Variants in KANK4 observed in about 807,000 individuals in gnomAD.
The protein encoded by KANK4 is KN motif and ankyrin repeat domain-containing protein 4.
KANK4 carries 50 observed loss-of-function variants against 80.8 expected under a neutral mutation model. The ratio of observed to expected loss-of-function variants is 0.62; its 90% CI spans 0.49 to 0.78. KANK4 has a LOEUF of 0.78. Among genes scored for constraint, KANK4 ranks in the 30% least tolerant of loss-of-function variants. The pLI is 0.00. For missense variants in KANK4, 1,196 were observed against 1,240.1 expected (o/e 0.96, Z 0.53); for synonymous variants, 465 against 506.9 (o/e 0.92, Z 1.11).
chr1:62,286,762 C>T (rs1404317335), intron 1 of KANK4, among the ~76,000 whole-genome samples: 1 of 152,156 alleles, frequency 6.6e-6, no homozygotes. Context: ...CCTACCCCCT[C>T]CTGGGGCCCC....
At position 62,273,301 on chromosome 1, in the gene KANK4, G is replaced by C; in HGVS notation, c.1803C>G (p.Ser601Arg). 6.2e-7 allele frequency: 1 copy of C among 1,600,770 alleles called. No individual in the cohort carries two copies. Among genetic ancestry groups the C allele is most frequent in the Non-Finnish European group, 8.5e-7 (1 of 1,170,474 alleles). Residue 601 changes from serine (S) to arginine (R), a missense_variant, in exon 3 of 10, where the codon AGC (serine) becomes AGG (arginine). Ser to Arg is a moderately radical substitution (Grantham distance 110). This residue lies in a region of KANK4 where 1,154 missense variants were observed against 1,179.6 expected (regional missense o/e 0.98). Coordinates refer to ENST00000371153, the MANE Select transcript of KANK4 (RefSeq NM_181712.5). ...GCAGGTTGAGGGAGCTCAGCAGCTG[G>C]CTCTGGATGCTGCTGAGCTTGGAGG... Reference protein sequence around the residue: ...QPASKLSSIQSQLLSSLNLLL... With the variant: ...QPASKLSSIQRQLLSSLNLLL...
intron 1 of KANK4, among the ~76,000 whole-genome samples, chr1:62,283,912 C>T (rs764535282): frequency 6.6e-6 from 1 of 152,148 alleles, no homozygotes; most frequent in Non-Finnish European, 1.5e-5. Flanking sequence ...GTAGAGACCT[C>T]GAAGATTTCT....
chr1:62,265,549 T>C (rs1311528306), intron 6 of KANK4, among the ~76,000 whole-genome samples: 1 of 152,202 alleles, frequency 6.6e-6, no homozygotes, highest in African/African-American at 2.4e-5. Context: ...GCCCTACATA[T>C]TGGTTCTTTA....
At chr1:62,292,690 C>G (rs766312742) in intron 1 of KANK4, among the ~76,000 whole-genome samples, 5 of 152,176 alleles carry the variant, frequency 3.3e-5, no homozygotes, top group Non-Finnish European at 7.3e-5. Context: ...TGAAAGGCTT[C>G]AGAAATCTCA....
At chr1:62,280,983 G>T (rs536543923) in intron 2 of KANK4, among the ~76,000 whole-genome samples, 2 of 152,218 alleles carry the variant, frequency 1.3e-5, no homozygotes, top group East Asian at 3.9e-4. Flanking sequence ...TCCTTGTGTT[G>T]TGCTTGAACT....
chr1:62,259,096 A>G (rs1282502609), intron 7 of KANK4, among the ~76,000 whole-genome samples: 2 of 152,106 alleles, frequency 1.3e-5, no homozygotes, highest in Admixed American at 1.3e-4. Flanking sequence ...TCATGCTAAG[A>G]GCAATAGGAG....
chr1:62,273,098 T>G (rs1433726386), intron 3 of KANK4, 106 bp downstream of exon 3: 8 of 839,548 alleles, frequency 9.5e-6, no homozygotes, highest in Non-Finnish European at 1.4e-5. Context: ...GCTGCTAAAA[T>G]CTTTTTAAAA....
chr1:62,242,315 T>C (rs1671361516), intron 9 of KANK4, among the ~76,000 whole-genome samples: 1 of 128,384 alleles, frequency 7.8e-6, no homozygotes, highest in South Asian at 2.3e-4. Flanking sequence ...TAAGCCATGA[T>C]CGTGCCACTG....
intron 1 of KANK4, among the ~76,000 whole-genome samples, chr1:62,287,760 G>C (rs1186512113): frequency 6.6e-6 from 1 of 152,204 alleles, no homozygotes; most frequent in Non-Finnish European, 1.5e-5. Flanking sequence ...TCTTGCTCAA[G>C]ATGGAGGTTA....
At chr1:62,254,564 T>G (rs1184521560) in intron 7 of KANK4, among the ~76,000 whole-genome samples, 3 of 151,132 alleles carry the variant, frequency 2.0e-5, no homozygotes, top group Non-Finnish European at 4.4e-5. Flanking sequence ...TTTTTTTTTT[T>G]GTTTTTTTTT....
intron 1 of KANK4, among the ~76,000 whole-genome samples, chr1:62,314,023 T>G (rs1644519512): frequency 6.6e-6 from 1 of 152,168 alleles, no homozygotes; most frequent in Admixed American, 6.5e-5. Flanking sequence ...TTGATTTGTT[T>G]TGTTTTTGAG....
intron 7 of KANK4, among the ~76,000 whole-genome samples, chr1:62,256,091 T>C (rs1671745789): frequency 6.6e-6 from 1 of 152,210 alleles, no homozygotes; most frequent in Admixed American, 6.5e-5. Context: ...CGGCTATCAT[T>C]AGTGTTAGTG....
At chr1:62,304,263 G>C (rs367626379) in intron 1 of KANK4, among the ~76,000 whole-genome samples, 7 of 152,128 alleles carry the variant, frequency 4.6e-5, no homozygotes, top group Admixed American at 2.0e-4. Flanking sequence ...CCAAGACGTT[G>C]ATCTGAATAG....
At chr1:62,295,280 T>C (rs1185782643) in intron 1 of KANK4, among the ~76,000 whole-genome samples, 1 of 152,096 alleles carries the variant, frequency 6.6e-6, no homozygotes, top group Non-Finnish European at 1.5e-5. Flanking sequence ...CTACAGGGAC[T>C]ATAGGCGCCC....
At chr1:62,282,431 T>C (rs1672470910) in intron 1 of KANK4, among the ~76,000 whole-genome samples, 2 of 152,152 alleles carry the variant, frequency 1.3e-5, no homozygotes, top group South Asian at 4.1e-4. Context: ...AATAATGAAT[T>C]ATCTGTGACA....
chr1:62,247,360 G>T (rs569364128), intron 9 of KANK4, 112 bp downstream of exon 9: 12 of 858,308 alleles, frequency 1.4e-5, no homozygotes, highest in African/African-American at 1.2e-4. Context: ...GGCTGGTCTC[G>T]AACTCCTGGG....
intron 4 of KANK4, among the ~76,000 whole-genome samples, chr1:62,271,012 A>G (rs1422542228): frequency 6.6e-6 from 1 of 152,218 alleles, no homozygotes; most frequent in East Asian, 1.9e-4. Context: ...TATAGAATAT[A>G]TGAGGTTTTG....
At chr1:62,294,404 C>T (rs1286547274) in intron 1 of KANK4, among the ~76,000 whole-genome samples, 1 of 152,208 alleles carries the variant, frequency 6.6e-6, no homozygotes, top group Non-Finnish European at 1.5e-5. Context: ...TGCACCCACC[C>T]TCTTTGGGCA....
intron 1 of KANK4, among the ~76,000 whole-genome samples, chr1:62,313,967 C>T (rs1184133318): frequency 6.6e-6 from 1 of 152,132 alleles, no homozygotes; most frequent in Non-Finnish European, 1.5e-5. Flanking sequence ...CTATTATATT[C>T]AGCCACTACC....
Sources: allele counts gnomAD v4.1 joint callset (sites outside exome capture counted in the v4.1 genomes callset), GRCh38; gene constraint gnomAD v4.1.1; regional missense constraint gnomAD v4.1.1; transcripts MANE v1.5; gene names NCBI Gene and HGNC (gene_info 2026-07-23, HGNC 2026-07-21).